Variants in ANKRD28 observed in about 807,000 individuals in gnomAD.
ANKRD28 encodes the protein ankyrin repeat domain 28.
Under a neutral mutation model 126.5 loss-of-function variants are expected in ANKRD28, and 44 were observed. That is an observed-to-expected ratio of 0.35 (90% CI 0.27 to 0.45). The LOEUF (loss-of-function observed/expected upper bound fraction) is 0.45, where lower values mean the gene tolerates loss of function less well. Ranked by LOEUF, ANKRD28 falls within the 20% of genes least tolerant of loss-of-function variation. The pLI, the probability that ANKRD28 is intolerant of heterozygous loss-of-function variation, is 1.00. For missense variants in ANKRD28, 1,110 were observed against 1,316.6 expected (o/e 0.84, Z 2.43); for synonymous variants, 442 against 468.5 (o/e 0.94, Z 0.73).
chr3:15,831,612 A>G (rs2061192051), intron 1 of ANKRD28, among the ~76,000 whole-genome samples: 1 of 152,210 alleles, frequency 6.6e-6, no homozygotes, highest in Non-Finnish European at 1.5e-5. Flanking sequence ...TCACTGTTTC[A>G]GGAAACTCAC....
intron 2 of ANKRD28, among the ~76,000 whole-genome samples, chr3:15,787,304 G>C (rs1348981): frequency 3.3e-5 from 5 of 152,024 alleles, no homozygotes; most frequent in African/African-American, 7.2e-5. Flanking sequence ...AGGACCATCA[G>C]AGTAATCATT....
intron 2 of ANKRD28, among the ~76,000 whole-genome samples, chr3:15,775,632 C>T (rs2059226569): frequency 6.6e-6 from 1 of 152,158 alleles, no homozygotes; most frequent in Non-Finnish European, 1.5e-5. Flanking sequence ...ATTCTGGGAA[C>T]ACTTTATTTA....
In ANKRD28 at chr3:15,817,389, G is replaced by C. The variant is rs1369695377; in HGVS notation, c.28-22083C>G. On this transcript the variant is annotated intron_variant, in intron 1 of 27. Transcript: ENST00000399451. The surrounding 1 kb of genome is among the most constrained non-coding windows in gnomAD (Gnocchi z 4.5). ...AATTGCTCACAACATTAAGTTCCTA[G>C]AGCTACCGGTAGGCACCATTTCTTA... is the stretch of plus-strand genomic sequence containing the variant. Among the ~76,000 whole-genome samples, 3 of 151,790 alleles carry C rather than the reference G, an allele frequency of 2.0e-5. No individual in the cohort carries two copies. The highest frequency in any genetic ancestry group is 2.0e-4 in the Admixed American group (3 of 15,226).
intron 27 of ANKRD28, among the ~76,000 whole-genome samples, chr3:15,672,919 G>A (rs1027176408): frequency 6.6e-6 from 1 of 152,230 alleles, no homozygotes; most frequent in African/African-American, 2.4e-5. Flanking sequence ...AGGATTACAG[G>A]CACATGCCAC....
At position 15,853,691 on chromosome 3, in the gene ANKRD28, G is replaced by A. The variant is rs1050209044; in HGVS notation, c.27+5686C>T. The stretch of plus-strand genomic sequence containing the variant: ...TCACCGTGTTAGCCAGGATGGTCTC[G>A]ATCTCCTGACCTCATGATCCGCCCG... On this transcript the variant is annotated intron_variant, in intron 1 of 27. Coordinates refer to the ANKRD28 transcript ENST00000399451. This position sits in a 1 kb window ranked among gnomAD's most constrained non-coding sequence, Gnocchi z 4.2. 2.0e-5 allele frequency among the ~76,000 whole-genome samples: 3 copies of A among 151,992 alleles called. No homozygotes were observed. The highest frequency in any genetic ancestry group is 2.1e-4 in the South Asian group (1 of 4,816).
intron 14 of ANKRD28, among the ~76,000 whole-genome samples, chr3:15,703,747 G>C (rs1215497383): frequency 6.6e-6 from 1 of 152,210 alleles, no homozygotes; most frequent in Non-Finnish European, 1.5e-5. Context: ...CTAAAATGTG[G>C]AAGAGGTTTT....
intron 1 of ANKRD28, among the ~76,000 whole-genome samples, chr3:15,834,975 C>T (rs112780939): frequency 5.3e-5 from 8 of 152,232 alleles, no homozygotes; most frequent in African/African-American, 1.7e-4. Flanking sequence ...CGGCAAAATG[C>T]TCTCTCTACT....
intron 2 of ANKRD28, among the ~76,000 whole-genome samples, chr3:15,787,661 A>G (rs2059840041): frequency 6.6e-6 from 1 of 152,174 alleles, no homozygotes; most frequent in Admixed American, 6.5e-5. Context: ...GCCTCAAGTA[A>G]TGAGTGAAGA....
intron 4 of ANKRD28, among the ~76,000 whole-genome samples, chr3:15,747,399 A>G (rs2057547420): frequency 6.6e-6 from 1 of 152,050 alleles, no homozygotes; most frequent in South Asian, 2.1e-4. Context: ...TTGTGCCACT[A>G]TTATTGTTCA....
chr3:15,797,514 A>T lies in ANKRD28; in HGVS notation c.-993T>A. The T allele has an allele frequency of 1.7e-5, 17 of 985,196 alleles. No homozygotes were observed. Among genetic ancestry groups the T allele is most frequent in the Non-Finnish European group, 2.0e-5 (17 of 829,910 alleles). 61.0% of individuals were successfully genotyped at this position (985,196 alleles called of 1,614,324 possible). On this transcript the variant is annotated 5_prime_UTR_variant, in exon 1 of 28. Transcript: ENST00000683139. ...ACAAGCAGGCTGTGAAGGAATTAGA[A>T]GGCATTTGAGCTCAAATTACTGCTT...
intron 27 of ANKRD28, among the ~76,000 whole-genome samples, chr3:15,673,542 A>G (rs1464600309): frequency 6.6e-6 from 1 of 152,254 alleles, no homozygotes; most frequent in East Asian, 1.9e-4. Context: ...ATTATATACA[A>G]TATGTTAAAA....
At chr3:15,790,334 T>C (rs1445039159) in intron 2 of ANKRD28, among the ~76,000 whole-genome samples, 4 of 151,416 alleles carry the variant, frequency 2.6e-5, no homozygotes, top group Non-Finnish European at 5.9e-5. Context: ...CAAAGACACA[T>C]CAAAAAAAGA....
chr3:15,830,796 A>G lies in ANKRD28; in HGVS notation c.27+28581T>C, dbSNP rs571839896. The stretch of plus-strand genomic sequence containing the variant: ...TTGGTCCATGACAGATAGTCTAACA[A>G]TATGATTCTTGGTGGGACCTTTAAG... On this transcript the variant is annotated intron_variant, in intron 1 of 27. Transcript: ENST00000399451. This position sits in a 1 kb window ranked among gnomAD's most constrained non-coding sequence, Gnocchi z 4.5. Among the ~76,000 whole-genome samples the G allele has an allele frequency of 6.6e-6, 1 of 152,222 alleles. No homozygotes were observed. Among genetic ancestry groups the G allele is most frequent in the East Asian group, 1.9e-4 (1 of 5,164 alleles).
At chr3:15,732,274 G>A (rs1202179365) in intron 6 of ANKRD28, 2 of 152,222 alleles carry the variant, frequency 1.3e-5, no homozygotes, top group African/African-American at 4.8e-5. Flanking sequence ...ATCACCCAGG[G>A]AATTAAATTA....
At chr3:15,756,645 G>A in intron 3 of ANKRD28, 1 of 271,176 alleles carries the variant, frequency 3.7e-6, no homozygotes, top group Non-Finnish European at 5.6e-6. Context: ...AGTGTTTCCT[G>A]GGGCCTGGGT....
At chr3:15,725,649 AC>A (rs2074101225) in intron 6 of ANKRD28, among the ~76,000 whole-genome samples, 1 of 152,084 alleles carries the variant, frequency 6.6e-6, no homozygotes, top group Non-Finnish European at 1.5e-5. Flanking sequence ...AATATTTCAA[AC>A]TTTTTCAATG....
At chr3:15,803,573 C>T (rs1411931703) in intron 1 of ANKRD28, among the ~76,000 whole-genome samples, 2 of 147,942 alleles carry the variant, frequency 1.4e-5, no homozygotes, top group Non-Finnish European at 3.0e-5. Context: ...GCTGAGATCA[C>T]ACCACGGCAC....
intron 1 of ANKRD28, among the ~76,000 whole-genome samples, chr3:15,813,116 C>T (rs992962622): frequency 6.7e-6 from 1 of 150,218 alleles, no homozygotes. Flanking sequence ...GTAATCCTAG[C>T]ACTTTGGGAG....
intron 6 of ANKRD28, among the ~76,000 whole-genome samples, chr3:15,731,135 C>T (rs1430093157): frequency 6.6e-6 from 1 of 152,144 alleles, no homozygotes; most frequent in African/African-American, 2.4e-5. Flanking sequence ...TGGTGAGGTC[C>T]AGGAAACACA....
Sources: gnomAD v4.1 joint callset for allele counts (sites outside exome capture counted in the v4.1 genomes callset) on GRCh38, gnomAD v4.1.1 for gene constraint, Gnocchi (gnomAD v3.1) non-coding constraint, MANE v1.5 for transcripts, NCBI Gene and HGNC (gene_info 2026-07-23, HGNC 2026-07-21) for gene names.